Variants in BCL2L13 observed in about 807,000 individuals in gnomAD.
The protein encoded by BCL2L13 is BCL2 like 13.
In BCL2L13, 13 loss-of-function variants were observed where a neutral mutation model predicts 25.8. That is an observed-to-expected ratio of 0.50 (90% CI 0.33 to 0.80). The LOEUF (loss-of-function observed/expected upper bound fraction) is 0.80, where lower values mean the gene tolerates loss of function less well. BCL2L13 is among the 30% of genes least tolerant of loss of function. BCL2L13 has a pLI of 0.02. For missense variants in BCL2L13, 504 were observed against 574.9 expected (o/e 0.88, Z 1.26); for synonymous variants, 244 against 230.3 (o/e 1.06, Z -0.54).
chr22:17,651,719 C>G (rs146880668), intron 1 of BCL2L13, among the ~76,000 whole-genome samples: 21,070 of 151,328 alleles, frequency 0.14, 1,967 homozygotes, highest in Non-Finnish European at 0.21. Context: ...GAGACGGAGT[C>G]TCACTCTGTC....
At chr22:17,669,432 A>C (rs2146610591) in intron 2 of BCL2L13, among the ~76,000 whole-genome samples, 1 of 152,304 alleles carries the variant, frequency 6.6e-6, no homozygotes, top group East Asian at 1.9e-4. Context: ...GGGGAAGCTC[A>C]TGTGTGCAGA....
chr22:17,681,789 G>A lies in BCL2L13; in HGVS notation c.122-1425G>A, dbSNP rs542197940. On this transcript the variant is annotated intron_variant, in intron 2 of 6. Coordinates refer to ENST00000317582, the MANE Select transcript of BCL2L13 (RefSeq NM_015367.4). Reference sequence around the variant, plus strand: ...GAGAGGCGACATTGTGCAGGGGTTAGGGCCCAGACCCTGAAAGTTGACTGC... The same window carrying A: ...GAGAGGCGACATTGTGCAGGGGTTAAGGCCCAGACCCTGAAAGTTGACTGC... 6.6e-5 allele frequency among the ~76,000 whole-genome samples: 10 copies of A among 152,238 alleles called. No homozygotes were observed. In the South Asian group the frequency reaches 2.1e-3, roughly 32 times the overall value.
chr22:17,667,209 C>G (rs1487964941), intron 2 of BCL2L13, among the ~76,000 whole-genome samples: 1 of 152,014 alleles, frequency 6.6e-6, no homozygotes, highest in Non-Finnish European at 1.5e-5. Flanking sequence ...CCCCCCCAAC[C>G]CCACCAGGGT....
chr22:17,646,403 C>T (rs1204697271), intron 1 of BCL2L13, among the ~76,000 whole-genome samples: 1 of 151,220 alleles, frequency 6.6e-6, no homozygotes, highest in Non-Finnish European at 1.5e-5. Flanking sequence ...TGCATGCCAC[C>T]ACGCCAGGCT....
chr22:17,722,417 GTGTA>G lies in BCL2L13; in HGVS notation c.601-4255_601-4252del, dbSNP rs1299001574. On this transcript the variant is annotated intron_variant, in intron 6 of 6. Transcript: ENST00000317582. Reference sequence around the variant, plus strand: ...TGTGTGTGTGTGTGTGTGTGTGTGTGTGTATGTAGAGATGATGTCTTACTATGTT... The same window carrying G: ...TGTGTGTGTGTGTGTGTGTGTGTGTGTGTAGAGATGATGTCTTACTATGTT... Among the ~76,000 whole-genome samples, 238 of 146,132 alleles carry G rather than the reference GTGTA, an allele frequency of 1.6e-3. 1 individual carries two copies. The highest frequency in any genetic ancestry group is 4.0e-3 in the African/African-American group (143 of 36,120).
rs565787483 is a variant in BCL2L13 at position 17,727,363 on chromosome 22, C to G, written c.1287C>G (p.Ser429Arg). The change falls in exon 7 of 7, where the codon AGC becomes AGG. Residue 429 changes from serine to arginine, a missense_variant. Coordinates refer to ENST00000317582, the MANE Select transcript of BCL2L13 (RefSeq NM_015367.4). ...ESLVEELSPA[S>R]EKKPVPPSEG... ...TTGTGGAAGAGCTGTCCCCTGCCAG[C>G]GAGAAGAAGCCCGTGCCGCCGTCTG... is the stretch of plus-strand genomic sequence containing the variant. 4 of 1,614,176 alleles carry G rather than the reference C, an allele frequency of 2.5e-6. No homozygotes were observed. The highest frequency in any genetic ancestry group is 3.4e-6 in the Non-Finnish European group (4 of 1,180,038).
At chr22:17,634,119 C>G (rs1447135420), upstream of BCL2L13, among the ~76,000 whole-genome samples, 2 of 152,086 alleles carry the variant, frequency 1.3e-5, no homozygotes, top group Non-Finnish European at 2.9e-5. Flanking sequence ...CCTGGTCACT[C>G]TCTCACCTTC....
At chr22:17,663,683 C>CTTTTTTTTTTTT (rs61709181) in intron 2 of BCL2L13, among the ~76,000 whole-genome samples, 1 of 107,482 alleles carries the variant, frequency 9.3e-6, no homozygotes, top group Non-Finnish European at 1.8e-5. Flanking sequence ...TACATTTTTC[C>CTTTTTTTTTTTT]TTTTTTTTTT....
intron 6 of BCL2L13, among the ~76,000 whole-genome samples, chr22:17,709,091 C>T (rs564341582): frequency 1.3e-5 from 2 of 152,118 alleles, no homozygotes; most frequent in East Asian, 3.9e-4. Flanking sequence ...AAAAAATTAG[C>T]TGGGCGTGGT....
chr22:17,636,955 T>C (rs183981748), upstream of BCL2L13, among the ~76,000 whole-genome samples: 282 of 152,242 alleles, frequency 1.9e-3, 6 homozygotes, highest in South Asian at 0.025. Flanking sequence ...AAAGTGTACA[T>C]ACAGTGAACT....
intron 6 of BCL2L13, among the ~76,000 whole-genome samples, chr22:17,723,569 A>C (rs546712944): frequency 6.6e-6 from 1 of 152,330 alleles, no homozygotes; most frequent in Non-Finnish European, 1.5e-5. Context: ...AACACAAACA[A>C]TAGCAAGTTA....
upstream of BCL2L13, chr22:17,638,367 T>A (rs1395549734): frequency 4.1e-6 from 1 of 242,760 alleles, no homozygotes; most frequent in Non-Finnish European, 7.8e-6. Context: ...GTGGCGAACA[T>A]CGAGGCTGTC....
intron 2 of BCL2L13, among the ~76,000 whole-genome samples, chr22:17,682,742 T>G (rs1237302400): frequency 6.6e-6 from 1 of 152,218 alleles, no homozygotes; most frequent in Non-Finnish European, 1.5e-5. Context: ...TACTAAAGGT[T>G]GTTTTTGATT....
intron 1 of BCL2L13, among the ~76,000 whole-genome samples, chr22:17,631,670 G>GTGTATTTATA (rs1203626385): frequency 5.9e-4 from 16 of 26,892 alleles, no homozygotes; most frequent in Non-Finnish European, 1.0e-3. Context: ...GTGTGTGTGT[G>GTGTATTTATA]TATATATATA....
intron 3 of BCL2L13, among the ~76,000 whole-genome samples, chr22:17,685,415 G>T (rs1437994126): frequency 6.6e-6 from 1 of 151,396 alleles, no homozygotes; most frequent in East Asian, 2.0e-4. Context: ...GTAGAGACGG[G>T]GTTTCACCAT....
At chr22:17,708,211 A>G (rs2060645031) in intron 6 of BCL2L13, among the ~76,000 whole-genome samples, 1 of 151,932 alleles carries the variant, frequency 6.6e-6, no homozygotes, top group Non-Finnish European at 1.5e-5. Flanking sequence ...TGTTTGCTTG[A>G]AAAAAAACAC....
chr22:17,638,709 G>C, upstream of BCL2L13: 3 of 1,231,736 alleles, frequency 2.4e-6, no homozygotes, highest in Non-Finnish European at 3.0e-6. Flanking sequence ...AGGTAGTTCA[G>C]GTCCCGCCCC....
intron 6 of BCL2L13, among the ~76,000 whole-genome samples, chr22:17,723,193 T>G (rs554913958): frequency 4.9e-4 from 74 of 152,174 alleles, no homozygotes; most frequent in Middle Eastern, 6.8e-3. Flanking sequence ...TCTCTCTTTC[T>G]CCCTCTCCTG....
At chr22:17,709,995 G>A (rs1439839551) in intron 6 of BCL2L13, among the ~76,000 whole-genome samples, 1 of 150,098 alleles carries the variant, frequency 6.7e-6, no homozygotes, top group Admixed American at 6.7e-5. Context: ...ACTTGAGCCT[G>A]GGAGGTCAAG....
Sources: allele counts gnomAD v4.1 joint callset (sites outside exome capture counted in the v4.1 genomes callset), GRCh38; gene constraint gnomAD v4.1.1; transcripts MANE v1.5; gene names NCBI Gene and HGNC (gene_info 2026-07-23, HGNC 2026-07-21).